Variants in MTDH observed in about 807,000 individuals in gnomAD.
MTDH encodes metadherin.
MTDH carries 34 observed loss-of-function variants against 72.7 expected under a neutral mutation model. The observed-to-expected ratio is 0.47, with a 90% CI of 0.36 to 0.62. The LOEUF is 0.62. MTDH is among the 20% of genes least tolerant of loss of function. The pLI is 0.00. For missense variants in MTDH, 677 were observed against 699.4 expected (o/e 0.97, Z 0.36); for synonymous variants, 266 against 268.9 (o/e 0.99, Z 0.10).
At chr8:97,701,985 T>C (rs1199225971) in intron 7 of MTDH, among the ~76,000 whole-genome samples, 1 of 152,234 alleles carries the variant, frequency 6.6e-6, no homozygotes, top group African/African-American at 2.4e-5. Flanking sequence ...CTCTGTAAAC[T>C]TTATTTTCTG....
At chr8:97,722,813 C>T in intron 10 of MTDH, 66 bp from the exon 11 acceptor site, 7 of 1,492,502 alleles carry the variant, frequency 4.7e-6, no homozygotes, top group Middle Eastern at 1.8e-4. Context: ...CTTGGTATTA[C>T]TGTGATATTT....
chr8:97,725,661 A>G lies in MTDH; in HGVS notation c.*991A>G, dbSNP rs1208852229. On this transcript the variant is annotated 3_prime_UTR_variant, in exon 12 of 12. Transcript: ENST00000336273. ...ACATTTTTTTACTGCCTTAACCTGT[A>G]GTGCGTAGAATATGCATCAATTTCT... The G allele has an allele frequency of 1.3e-5, 2 of 152,640 alleles. No individual in the cohort carries two copies. The highest frequency in any genetic ancestry group is 3.8e-4 in the East Asian group (2 of 5,200). 9.5% of individuals were successfully genotyped at this position (152,640 alleles called of 1,614,324 possible).
intron 2 of MTDH, among the ~76,000 whole-genome samples, chr8:97,683,527 C>G (rs1813225042): frequency 6.6e-6 from 1 of 151,948 alleles, no homozygotes; most frequent in African/African-American, 2.4e-5. Context: ...TCCCAAGTAG[C>G]TGGAACCACA....
chr8:97,674,534 A>G lies in MTDH; in HGVS notation c.484-12134A>G, dbSNP rs376209155. Among the ~76,000 whole-genome samples the G allele has an allele frequency of 2.4e-3, 364 of 152,360 alleles. 17 individuals are homozygous for G. The South Asian group carries it at 0.073, about 31-fold the overall frequency. On this transcript the variant is annotated intron_variant, in intron 2 of 11. Transcript: ENST00000336273. ...TGTATATATATTTGGGACAAGTGAG[A>G]AAAATAAATAGTGCCAAAATGTGAA...
chr8:97,677,703 A>C (rs1426925003), intron 2 of MTDH, among the ~76,000 whole-genome samples: 1 of 152,198 alleles, frequency 6.6e-6, no homozygotes, highest in Non-Finnish European at 1.5e-5. Context: ...TTGCCTAATT[A>C]TACTGTGCCT....
intron 2 of MTDH, among the ~76,000 whole-genome samples, chr8:97,663,631 C>T (rs1230707625): frequency 6.6e-6 from 1 of 151,854 alleles, no homozygotes; most frequent in Admixed American, 6.6e-5. Flanking sequence ...CGCCTGTAGT[C>T]CCAGCTACTA....
At chr8:97,723,127 A>C (rs1815198871) in intron 11 of MTDH, 92 bp downstream of exon 11, 1 of 1,347,728 alleles carries the variant, frequency 7.4e-7, no homozygotes, top group East Asian at 2.5e-5. Flanking sequence ...GGCCAGGCGC[A>C]GTGGCTCACG....
At chr8:97,677,137 C>T (rs889540005) in intron 2 of MTDH, among the ~76,000 whole-genome samples, 1 of 127,168 alleles carries the variant, frequency 7.9e-6, no homozygotes, top group Admixed American at 9.1e-5. Flanking sequence ...GAGCCTTGAT[C>T]ACACCACTGC....
At chr8:97,678,184 T>TAA (rs1305546353) in intron 2 of MTDH, among the ~76,000 whole-genome samples, 1 of 152,194 alleles carries the variant, frequency 6.6e-6, no homozygotes, top group Non-Finnish European at 1.5e-5. Flanking sequence ...ATTAAAGAGA[T>TAA]ATCCACAAAG....
chr8:97,649,444 C>G (rs574267292), intron 1 of MTDH, among the ~76,000 whole-genome samples: 3 of 152,236 alleles, frequency 2.0e-5, no homozygotes, highest in African/African-American at 7.2e-5. Context: ...AGTAGTTTCC[C>G]CATCACCTGT....
intron 2 of MTDH, among the ~76,000 whole-genome samples, chr8:97,676,517 A>G (rs1812853050): frequency 6.6e-6 from 1 of 152,154 alleles, no homozygotes; most frequent in Non-Finnish European, 1.5e-5. Context: ...TGCTGCCAAC[A>G]TGTACTTTTT....
At chr8:97,666,407 C>T (rs1166878680) in intron 2 of MTDH, among the ~76,000 whole-genome samples, 1 of 152,092 alleles carries the variant, frequency 6.6e-6, no homozygotes, top group Non-Finnish European at 1.5e-5. Flanking sequence ...TTACATAGCT[C>T]AATAAAGAGT....
At chr8:97,724,066 G>A (rs1244693175) in intron 11 of MTDH, among the ~76,000 whole-genome samples, 3 of 152,158 alleles carry the variant, frequency 2.0e-5, no homozygotes, top group Non-Finnish European at 4.4e-5. Flanking sequence ...CCAAGATTGC[G>A]CCATTGCACT....
chr8:97,708,148 A>C (rs1814441036), intron 8 of MTDH, among the ~76,000 whole-genome samples: 1 of 148,182 alleles, frequency 6.7e-6, no homozygotes, highest in South Asian at 2.1e-4. Context: ...TTGTACTTTT[A>C]CCATGTTGGT....
intron 6 of MTDH, among the ~76,000 whole-genome samples, chr8:97,694,982 A>G (rs916683718): frequency 6.6e-6 from 1 of 152,182 alleles, no homozygotes; most frequent in Non-Finnish European, 1.5e-5. Context: ...CAGAGAAGAA[A>G]GCATTAATTT....
intron 9 of MTDH, among the ~76,000 whole-genome samples, chr8:97,718,685 T>TTTTTGTAG (rs1814980673): frequency 6.6e-6 from 1 of 151,222 alleles, no homozygotes; most frequent in African/African-American, 2.4e-5. Flanking sequence ...GCCTGGCTAA[T>TTTTTGTAG]TTTTGTAGTT....
rs142182130 is a variant in MTDH, at chr8:97,707,196, G to A, written c.1272+446G>A. Among the ~76,000 whole-genome samples, 249 of 149,862 alleles carry A rather than the reference G, an allele frequency of 1.7e-3. 2 individuals are homozygous for A. Among genetic ancestry groups the A allele is most frequent in the African/African-American group, 5.8e-3 (235 of 40,794 alleles). Reference sequence around the variant, plus strand: ...AGACAGATTCTTGTTGTGCTGCCCAGGCTGGAGTGCAGTGGCATGATCTCA... The same window carrying A: ...AGACAGATTCTTGTTGTGCTGCCCAAGCTGGAGTGCAGTGGCATGATCTCA... On this transcript the variant is annotated intron_variant, in intron 8 of 11. Transcript: ENST00000336273.
intron 2 of MTDH, among the ~76,000 whole-genome samples, chr8:97,662,651 T>C (rs1422449595): frequency 6.6e-6 from 1 of 151,752 alleles, no homozygotes; most frequent in Non-Finnish European, 1.5e-5. Flanking sequence ...CCGGATATGG[T>C]GGCACATGCC....
At chr8:97,710,098 AG>A (rs749393490) in intron 8 of MTDH, among the ~76,000 whole-genome samples, 1 of 152,192 alleles carries the variant, frequency 6.6e-6, no homozygotes, top group African/African-American at 2.4e-5. Flanking sequence ...GAAAACTTCT[AG>A]GGATGTTTCT....
Sources: allele counts gnomAD v4.1 joint callset (sites outside exome capture counted in the v4.1 genomes callset), GRCh38; gene constraint gnomAD v4.1.1; transcripts MANE v1.5; gene names NCBI Gene and HGNC (gene_info 2026-07-23, HGNC 2026-07-21).